The following ULK4 variants were observed in gnomAD, a reference collection of about 807,000 sequenced individuals.
ULK4 encodes unc-51 like kinase 4, also known as inactive serine/threonine-protein kinase ULK4.
In ULK4, 133 loss-of-function variants were observed where a neutral mutation model predicts 160.6. The observed-to-expected ratio is 0.83, with a 90% CI of 0.72 to 0.96. ULK4 has a LOEUF of 0.96. ULK4 is among the 40% of genes least tolerant of loss of function. ULK4 has a pLI of 0.00. For synonymous variants in ULK4, 534 were observed against 539.8 expected (o/e 0.99, Z 0.15); for missense variants, 1,580 against 1,499.5 (o/e 1.05, Z -0.89).
At chr3:41,833,297 T>TTTTTTTTTTG (rs2041654136) in intron 18 of ULK4, among the ~76,000 whole-genome samples, 5 of 138,994 alleles carry the variant, frequency 3.6e-5, no homozygotes, top group African/African-American at 1.3e-4. Flanking sequence ...TTTTTTTTTT[T>TTTTTTTTTTG]TTTGTTTGTT....
chr3:41,834,819 G>C (rs563619335), intron 18 of ULK4, among the ~76,000 whole-genome samples: 4 of 152,304 alleles, frequency 2.6e-5, no homozygotes, highest in East Asian at 3.9e-4. Context: ...CAAGGTGGGC[G>C]AATCACTTCA....
At chr3:41,751,150 T>C (rs2038615113) in intron 22 of ULK4, among the ~76,000 whole-genome samples, 1 of 152,116 alleles carries the variant, frequency 6.6e-6, no homozygotes, top group East Asian at 1.9e-4. Flanking sequence ...ACCTACTCAG[T>C]ACCCAATCAG....
chr3:41,882,433 C>CG (rs1697557526), intron 17 of ULK4, among the ~76,000 whole-genome samples: 1 of 152,212 alleles, frequency 6.6e-6, no homozygotes, highest in Non-Finnish European at 1.5e-5. Context: ...AGCTTTTCTT[C>CG]AAGCACTCAA....
chr3:41,574,747 C>T (rs2088129573), intron 31 of ULK4, among the ~76,000 whole-genome samples: 1 of 151,960 alleles, frequency 6.6e-6, no homozygotes, highest in Non-Finnish European at 1.5e-5. Flanking sequence ...GGGGTTTCAC[C>T]GTGTTAGCCA....
intron 32 of ULK4, among the ~76,000 whole-genome samples, chr3:41,475,231 A>G (rs997081180): frequency 7.5e-4 from 114 of 152,358 alleles, no homozygotes; most frequent in African/African-American, 2.6e-3. Flanking sequence ...TGTGAAATAA[A>G]CCAGACACGG....
rs545555199 is a variant in ULK4, at chr3:41,859,818, T to C, written c.1657-23847A>G. On this transcript the variant is annotated intron_variant, in intron 17 of 36. Coordinates refer to ENST00000301831, the MANE Select transcript of ULK4 (RefSeq NM_017886.4). ...GATTACAGGTGCACGCCACCATGCCTGGCTAATTTTTTTTTTTTTTTTTTT... is the reference window on the plus strand; with the variant it reads ...GATTACAGGTGCACGCCACCATGCCCGGCTAATTTTTTTTTTTTTTTTTTT... Among the ~76,000 whole-genome samples the C allele has an allele frequency of 5.7e-3, 818 of 144,566 alleles. 7 individuals carry two copies. The highest frequency in any genetic ancestry group is 0.02 in the African/African-American group (765 of 37,776). The allele number at this position is 144,566 out of a possible 152,430, so 94.8% of individuals were successfully genotyped here.
intron 29 of ULK4, among the ~76,000 whole-genome samples, chr3:41,665,039 C>A (rs534209192): frequency 3.2e-4 from 48 of 152,158 alleles, no homozygotes; most frequent in African/African-American, 1.1e-3. Flanking sequence ...AACAAACTAA[C>A]CAATTTTATT....
intron 32 of ULK4, among the ~76,000 whole-genome samples, chr3:41,558,884 A>T (rs2087423386): frequency 6.6e-6 from 1 of 151,072 alleles, no homozygotes; most frequent in Non-Finnish European, 1.5e-5. Context: ...TTATTTATTT[A>T]TTTTATTACA....
intron 17 of ULK4, among the ~76,000 whole-genome samples, chr3:41,879,503 A>G (rs1697431387): frequency 1.3e-5 from 2 of 152,048 alleles, no homozygotes; most frequent in African/African-American, 4.8e-5. Flanking sequence ...TAATTTAAAA[A>G]AAAAAAATTT....
At chr3:41,556,819 A>C (rs1311424181) in intron 32 of ULK4, among the ~76,000 whole-genome samples, 1 of 152,086 alleles carries the variant, frequency 6.6e-6, no homozygotes, top group Non-Finnish European at 1.5e-5. Flanking sequence ...TTCCAATGAT[A>C]AATGAATTTT....
At position 41,433,857 on chromosome 3, in the gene ULK4, C is replaced by A. The variant is rs568102902; in HGVS notation, c.3492+21640G>T. ...GCCTCAGCCTCCAGACTAGCTGGGA[C>A]TACAGGCGCCCGCCACCACACCGGG... On this transcript the variant is annotated intron_variant, in intron 34 of 36. Transcript: ENST00000301831. 2.0e-3 allele frequency among the ~76,000 whole-genome samples: 302 copies of A among 152,284 alleles called. 2 individuals carry two copies. Among genetic ancestry groups the A allele is most frequent in the African/African-American group, 6.6e-3 (273 of 41,564 alleles).
chr3:41,714,570 C>T (rs745845479), intron 25 of ULK4, among the ~76,000 whole-genome samples: 2 of 152,084 alleles, frequency 1.3e-5, no homozygotes, highest in Admixed American at 1.3e-4. Context: ...GTAACTACTA[C>T]TAGCAAGGGA....
Position 41,312,879 on chromosome 3 carries a change from G to GT in ULK4, c.3679-63306dup, listed in dbSNP as rs967073668. Among the ~76,000 whole-genome samples the GT allele has an allele frequency of 3.3e-5, 5 of 152,036 alleles. No individual in the cohort carries two copies. In the East Asian group the frequency reaches 7.7e-4, roughly 23 times the overall value. On this transcript the variant is annotated intron_variant, in intron 35 of 36. Transcript: ENST00000301831. ...ATGCAGTGTAAGTGGCCCCAGGAGG[G>GT]TTTTTTTCTAGCCCTAAGTGCTTAT...
At chr3:41,937,359 A>C in intron 3 of ULK4, 1 of 689,060 alleles carries the variant, frequency 1.5e-6, no homozygotes, top group Admixed American at 2.1e-5. Flanking sequence ...TCAGAAAAAT[A>C]AAATCAAATA....
In ULK4 at chr3:41,859,638, C is replaced by T. The variant is rs140295158; in HGVS notation, c.1657-23667G>A. 5 of 463,156 alleles carry T rather than the reference C, an allele frequency of 1.1e-5. No homozygotes were observed. In the East Asian group the frequency reaches 2.8e-4, roughly 26 times the overall value. 28.7% of individuals were successfully genotyped at this position (463,156 alleles called of 1,614,324 possible). On this transcript the variant is annotated intron_variant, in intron 17 of 36. Transcript: ENST00000301831. ...CAGCCTCTGCCCCACCGCTTCATTTCCCAAATTCCTTCTTTTTTGTTTGTT... is the reference window on the plus strand; with the variant it reads ...CAGCCTCTGCCCCACCGCTTCATTTTCCAAATTCCTTCTTTTTTGTTTGTT...
chr3:41,544,172 A>C (rs2086783058), intron 32 of ULK4, among the ~76,000 whole-genome samples: 1 of 146,814 alleles, frequency 6.8e-6, no homozygotes, highest in Admixed American at 7.0e-5. Context: ...AGACCCTCCC[A>C]CTGAGGATAT....
chr3:41,267,203 CCTCT>C (rs747547985), intron 35 of ULK4, among the ~76,000 whole-genome samples: 1 of 152,112 alleles, frequency 6.6e-6, no homozygotes, highest in East Asian at 1.9e-4. Context: ...GTGATGTTCC[CCTCT>C]CTGTGTCCAT....
intron 18 of ULK4, among the ~76,000 whole-genome samples, chr3:41,829,764 A>C (rs1017558801): frequency 2.7e-5 from 4 of 150,274 alleles, no homozygotes; most frequent in African/African-American, 1.0e-4. Context: ...TAGAACTAGA[A>C]ATACCATTTG....
chr3:41,703,237 A>ATT (rs35874978), intron 27 of ULK4, among the ~76,000 whole-genome samples: 16,421 of 151,192 alleles, frequency 0.11, 2,551 homozygotes, highest in African/African-American at 0.35. Context: ...CAAAATATGT[A>ATT]TTTTTTTTTC....
Sources: gnomAD v4.1 joint callset for allele counts (sites outside exome capture counted in the v4.1 genomes callset) on GRCh38, gnomAD v4.1.1 for gene constraint, MANE v1.5 for transcripts, NCBI Gene and HGNC (gene_info 2026-07-23, HGNC 2026-07-21) for gene names.